COLEC11: variants seen among roughly 807,000 people sequenced by gnomAD.
COLEC11 encodes collectin-11.
COLEC11 carries 20 observed loss-of-function variants against 27.3 expected under a neutral mutation model. The ratio of observed to expected loss-of-function variants is 0.73; its 90% CI spans 0.51 to 1.06. COLEC11 has a LOEUF of 1.06. Among genes scored for constraint, COLEC11 ranks in the 50% least tolerant of loss-of-function variants. The pLI, the probability that COLEC11 is intolerant of heterozygous loss-of-function variation, is 0.00. For missense variants in COLEC11, 310 were observed against 383.0 expected (o/e 0.81, Z 1.59); for synonymous variants, 163 against 154.7 (o/e 1.05, Z -0.40).
chr2:3,628,205 T>C (rs752097633), intron 3 of COLEC11, among the ~76,000 whole-genome samples: 2 of 150,870 alleles, frequency 1.3e-5, no homozygotes, highest in Non-Finnish European at 3.0e-5. Context: ...TCCCAGTCTA[T>C]GGCCAAGGGC....
chr2:3,609,475 T>C (rs888423953), intron 2 of COLEC11, among the ~76,000 whole-genome samples: 3 of 142,984 alleles, frequency 2.1e-5, no homozygotes, highest in African/African-American at 7.8e-5. Context: ...GCTGAAGAGC[T>C]CCTCCCACAT....
At chr2:3,638,572 G>A (rs1430669027) in intron 4 of COLEC11, among the ~76,000 whole-genome samples, 1 of 152,148 alleles carries the variant, frequency 6.6e-6, no homozygotes, top group Non-Finnish European at 1.5e-5. Flanking sequence ...GCTGTGAGGG[G>A]GTTCTCATGG....
rs562478220 is a variant in COLEC11, at chr2:3,621,345, G to A, written c.202+7963G>A. ...TCTGATATAAAATAAATATAGCTAC[G>A]CCTATTCTGTTTTGGTTTCAATTTG... On this transcript the variant is annotated intron_variant, in intron 3 of 6. Transcript: ENST00000349077. Among the ~76,000 whole-genome samples the A allele has an allele frequency of 1.5e-3, 224 of 152,160 alleles. 1 individual carries two copies. In the South Asian group the frequency reaches 0.015, roughly 10 times the overall value.
At chr2:3,625,014 A>G (rs184769924) in intron 3 of COLEC11, among the ~76,000 whole-genome samples, 83 of 152,350 alleles carry the variant, frequency 5.4e-4, no homozygotes, top group African/African-American at 1.9e-3. Flanking sequence ...GTCATTAAAC[A>G]TACATTGACT....
At chr2:3,604,196 C>T (rs912269974) in intron 1 of COLEC11, 119 bp from the exon 2 acceptor site, 7 of 1,091,836 alleles carry the variant, frequency 6.4e-6, no homozygotes, top group Non-Finnish European at 9.5e-6. Flanking sequence ...GCCATGGGGG[C>T]CCAGACAGCC....
chr2:3,630,165 G>A (rs950577014), intron 3 of COLEC11, among the ~76,000 whole-genome samples: 1 of 152,084 alleles, frequency 6.6e-6, no homozygotes, highest in African/African-American at 2.4e-5. Context: ...GTGTATGTAT[G>A]CATATAGATG....
At chr2:3,605,789 C>T (rs1304876759) in intron 2 of COLEC11, 9 of 286,960 alleles carry the variant, frequency 3.1e-5, no homozygotes, top group East Asian at 1.7e-4. Flanking sequence ...CTGCTCAGCC[C>T]GTGTTGTACA....
chr2:3,611,022 T>C (rs1558494007), intron 2 of COLEC11, among the ~76,000 whole-genome samples: 1 of 152,232 alleles, frequency 6.6e-6, no homozygotes, highest in Non-Finnish European at 1.5e-5. Flanking sequence ...TTTCCCCGTG[T>C]GGTTCTCCGC....
intron 1 of COLEC11, among the ~76,000 whole-genome samples, chr2:3,596,923 C>T (rs556522143): frequency 3.9e-5 from 6 of 152,362 alleles, no homozygotes; most frequent in African/African-American, 1.2e-4. Flanking sequence ...GCCTACCTGC[C>T]CTGGTTCCTG....
At chr2:3,596,951 C>T (rs990074242) in intron 1 of COLEC11, among the ~76,000 whole-genome samples, 3 of 152,256 alleles carry the variant, frequency 2.0e-5, no homozygotes, top group Admixed American at 6.5e-5. Context: ...TCTGAGAGCG[C>T]CCCGCTGCAG....
intron 2 of COLEC11, chr2:3,606,351 T>A: frequency 2.1e-6 from 2 of 932,168 alleles, no homozygotes; most frequent in Non-Finnish European, 3.3e-6. Flanking sequence ...GTCCACGTCC[T>A]GGGTCCCCTG....
At chr2:3,629,963 T>C (rs919061166) in intron 3 of COLEC11, among the ~76,000 whole-genome samples, 1 of 152,238 alleles carries the variant, frequency 6.6e-6, no homozygotes, top group African/African-American at 2.4e-5. Flanking sequence ...TTACATGCTA[T>C]GTGTGGTTGT....
At chr2:3,596,304 C>G (rs1297550648) in intron 1 of COLEC11, among the ~76,000 whole-genome samples, 1 of 150,724 alleles carries the variant, frequency 6.6e-6, no homozygotes, top group African/African-American at 2.4e-5. Flanking sequence ...TGTTTGGCAA[C>G]TGAAGCCATG....
At chr2:3,624,239 G>C (rs774700777) in intron 3 of COLEC11, among the ~76,000 whole-genome samples, 1 of 152,180 alleles carries the variant, frequency 6.6e-6, no homozygotes, top group Non-Finnish European at 1.5e-5. Flanking sequence ...GCTGGCACTT[G>C]CCATCTGTGG....
intron 4 of COLEC11, 121 bp downstream of exon 4, chr2:3,637,725 T>C (rs1572470541): frequency 2.4e-6 from 2 of 844,042 alleles, no homozygotes; most frequent in African/African-American, 3.3e-5. Context: ...ATTCGGTGCA[T>C]GGTAGATAAG....
intron 4 of COLEC11, among the ~76,000 whole-genome samples, chr2:3,639,368 G>C (rs2147960750): frequency 6.6e-6 from 1 of 152,320 alleles, no homozygotes; most frequent in South Asian, 2.1e-4. Context: ...GCCTTGTTTG[G>C]CTTTGCTTAT....
chr2:3,625,984 T>C, intron 3 of COLEC11: 1 of 1,582,044 alleles, frequency 6.3e-7, no homozygotes, highest in Non-Finnish European at 8.7e-7. Context: ...CAGGCAGGGA[T>C]AGTCATAACA....
At chr2:3,614,935 G>A (rs1317262920) in intron 3 of COLEC11, among the ~76,000 whole-genome samples, 1 of 152,110 alleles carries the variant, frequency 6.6e-6, no homozygotes, top group Non-Finnish European at 1.5e-5. Flanking sequence ...GTTGAAGAAA[G>A]AACAGTACCT....
intron 3 of COLEC11, chr2:3,626,128 T>A: frequency 6.4e-7 from 1 of 1,555,020 alleles, no homozygotes; most frequent in Non-Finnish European, 8.9e-7. Flanking sequence ...CACACTTAAG[T>A]TGGACCCTGA....
Sources: gnomAD v4.1 joint callset for allele counts (sites outside exome capture counted in the v4.1 genomes callset) on GRCh38, gnomAD v4.1.1 for gene constraint, MANE v1.5 for transcripts, NCBI Gene and HGNC (gene_info 2026-07-23, HGNC 2026-07-21) for gene names.